The following PTPRD variants were observed in gnomAD, a reference collection of about 807,000 sequenced individuals.
PTPRD encodes receptor-type tyrosine-protein phosphatase delta.
Under a neutral mutation model 214.5 loss-of-function variants are expected in PTPRD, and 34 were observed. The ratio of observed to expected loss-of-function variants is 0.16; its 90% CI spans 0.12 to 0.21. The LOEUF is 0.21. Ranked by LOEUF, PTPRD falls within the 10% of genes least tolerant of loss-of-function variation. PTPRD has a pLI of 1.00. For missense variants in PTPRD, 2,545 were observed against 2,398.7 expected (o/e 1.06, Z -1.27); for synonymous variants, 1,128 against 845.7 (o/e 1.33, Z -5.79).
At position 8,314,567 on chromosome 9, in the gene PTPRD, G is replaced by A. The variant is rs1820883433; in HGVS notation, c.*3307C>T. 4.3e-6 allele frequency: 1 copy of A among 232,168 alleles called. No homozygotes were observed. The highest frequency in any genetic ancestry group is 5.6e-5 in the Admixed American group (1 of 17,716). The allele number at this position is 232,168 out of a possible 1,614,324, so 14.4% of individuals were successfully genotyped here. A position where few individuals can be genotyped will look rare whatever the true frequency, so the allele number is the denominator to read the frequency against. The stretch of plus-strand genomic sequence containing the variant: ...AGCCACATAACGGATGGATAGAATG[G>A]ATCTGTAGCCTTCTGATCTCTGCTG... On this transcript the variant is annotated 3_prime_UTR_variant, in exon 46 of 46. Transcript: ENST00000381196.
chr9:8,844,675 G>A (rs564110595), intron 11 of PTPRD, among the ~76,000 whole-genome samples: 3 of 152,220 alleles, frequency 2.0e-5, no homozygotes, highest in South Asian at 4.2e-4. Flanking sequence ...CAAGGAAGAT[G>A]GGTATAAATA....
At chr9:8,573,129 G>A (rs142759499) in intron 14 of PTPRD, among the ~76,000 whole-genome samples, 241 of 151,976 alleles carry the variant, frequency 1.6e-3, no homozygotes, top group African/African-American at 5.4e-3. Flanking sequence ...TCACACCTCT[G>A]GCTATGTATT....
At chr9:9,658,222 T>C (rs1013279198) in intron 7 of PTPRD, among the ~76,000 whole-genome samples, 7 of 152,196 alleles carry the variant, frequency 4.6e-5, no homozygotes, top group Non-Finnish European at 7.3e-5. Context: ...ACTCTGATGG[T>C]AAAATCATTC....
At chr9:9,350,239 T>G (rs1402906107) in intron 9 of PTPRD, among the ~76,000 whole-genome samples, 1 of 152,130 alleles carries the variant, frequency 6.6e-6, no homozygotes. Context: ...ACTCTTAGAC[T>G]GGATTCTAAG....
intron 2 of PTPRD, among the ~76,000 whole-genome samples, chr9:10,449,232 G>A (rs997104312): frequency 2.0e-5 from 3 of 151,928 alleles, no homozygotes; most frequent in African/African-American, 7.3e-5. Context: ...GTGGAGACGA[G>A]GTTTCGCCGC....
chr9:9,787,219 T>A (rs1393659118), intron 5 of PTPRD, among the ~76,000 whole-genome samples: 1 of 146,840 alleles, frequency 6.8e-6, no homozygotes, highest in Non-Finnish European at 1.5e-5. Flanking sequence ...AATATTTCAT[T>A]AAAAAAAAAA....
chr9:9,702,046 G>A (rs545483615), intron 7 of PTPRD, among the ~76,000 whole-genome samples: 277 of 152,190 alleles, frequency 1.8e-3, no homozygotes, highest in African/African-American at 6.3e-3. Flanking sequence ...CTTGAACATG[G>A]GAGGCAGAGG....
At chr9:8,318,259 TA>T (rs1823495216) in intron 45 of PTPRD, among the ~76,000 whole-genome samples, 1 of 152,040 alleles carries the variant, frequency 6.6e-6, no homozygotes, top group African/African-American at 2.4e-5. Context: ...ATTGAACACA[TA>T]AACTTCTTAC....
intron 5 of PTPRD, among the ~76,000 whole-genome samples, chr9:9,789,722 G>C (rs1174589): frequency 0.66 from 97,803 of 147,464 alleles, 33,285 homozygotes; most frequent in Middle Eastern, 0.83. Flanking sequence ...GCGTGAACCT[G>C]GGAGGCAGAG....
At chr9:10,300,923 C>G (rs544300088) in intron 3 of PTPRD, among the ~76,000 whole-genome samples, 2 of 152,228 alleles carry the variant, frequency 1.3e-5, no homozygotes, top group East Asian at 3.9e-4. Context: ...TGATAAGGGT[C>G]AGACTGCCTC....
intron 10 of PTPRD, among the ~76,000 whole-genome samples, chr9:9,023,518 T>C (rs946767459): frequency 7.2e-5 from 11 of 152,212 alleles, no homozygotes; most frequent in African/African-American, 2.4e-4. Context: ...CTATTTACAC[T>C]TAGTTGCTTT....
At chr9:10,092,420 C>G (rs1276649084) in intron 3 of PTPRD, among the ~76,000 whole-genome samples, 1 of 151,386 alleles carries the variant, frequency 6.6e-6, no homozygotes, top group Non-Finnish European at 1.5e-5. Context: ...AAAAGCATCA[C>G]TGATGTGATA....
intron 11 of PTPRD, among the ~76,000 whole-genome samples, chr9:8,748,864 T>G (rs552954950): frequency 1.3e-5 from 2 of 152,162 alleles, no homozygotes; most frequent in South Asian, 4.1e-4. Context: ...AAGCCAAGAT[T>G]GCGCCAGTGC....
At chr9:8,586,438 C>T (rs2093664706) in intron 14 of PTPRD, among the ~76,000 whole-genome samples, 1 of 152,218 alleles carries the variant, frequency 6.6e-6, no homozygotes, top group Non-Finnish European at 1.5e-5. Flanking sequence ...ACCACTCATT[C>T]CACATTGGAA....
chr9:8,682,461 T>C (rs2097569592), intron 12 of PTPRD, among the ~76,000 whole-genome samples: 1 of 145,604 alleles, frequency 6.9e-6, no homozygotes. Flanking sequence ...ATATGTACTA[T>C]GTCAATAAGA....
At chr9:9,147,861 G>C (rs2099871317) in intron 10 of PTPRD, among the ~76,000 whole-genome samples, 1 of 152,078 alleles carries the variant, frequency 6.6e-6, no homozygotes, top group Non-Finnish European at 1.5e-5. Flanking sequence ...AGAAACTTTG[G>C]CCTCACCCTC....
chr9:8,682,351 C>T (rs542739187), intron 12 of PTPRD, among the ~76,000 whole-genome samples: 2 of 152,120 alleles, frequency 1.3e-5, no homozygotes, highest in African/African-American at 4.8e-5. Context: ...AGGGAGGAAG[C>T]CTGAACTTGG....
intron 3 of PTPRD, among the ~76,000 whole-genome samples, chr9:10,061,323 G>T (rs1199042395): frequency 6.6e-6 from 1 of 151,976 alleles, no homozygotes; most frequent in Non-Finnish European, 1.5e-5. Context: ...GAAATAGAAT[G>T]GAAAGGACCT....
intron 10 of PTPRD, among the ~76,000 whole-genome samples, chr9:9,029,162 C>T (rs59290850): frequency 0.066 from 10,094 of 151,854 alleles, 532 homozygotes; most frequent in African/African-American, 0.15. Context: ...TTAACACTAA[C>T]TTCACATATT....
Sources: gnomAD v4.1 joint callset for allele counts (sites outside exome capture counted in the v4.1 genomes callset) on GRCh38, gnomAD v4.1.1 for gene constraint, MANE v1.5 for transcripts, NCBI Gene and HGNC (gene_info 2026-07-23, HGNC 2026-07-21) for gene names.